Variants in SHISA9 observed in about 807,000 individuals in gnomAD.
SHISA9 encodes the protein shisa family member 9, also known as protein shisa-9.
In SHISA9, 13 loss-of-function variants were observed where a neutral mutation model predicts 38.0. The ratio of observed to expected loss-of-function variants is 0.34; its 90% CI spans 0.22 to 0.54. The LOEUF is 0.54. Ranked by LOEUF, SHISA9 falls within the 20% of genes least tolerant of loss-of-function variation. The pLI is 0.91. For missense variants in SHISA9, 538 were observed against 575.8 expected (o/e 0.93, Z 0.67); for synonymous variants, 275 against 242.0 (o/e 1.14, Z -1.27).
the SHISA9 span, among the ~76,000 whole-genome samples, chr16:13,529,132 CAATT>C: frequency 6.6e-6 from 1 of 152,120 alleles, no homozygotes; most frequent in African/African-American, 2.4e-5. Context: ...AGTTTGGACA[CAATT>C]AACCAGAGTG....
Position 13,233,732 on chromosome 16 carries a change from T to C in SHISA9, c.896-1298T>C, listed in dbSNP as rs908988778. Among the ~76,000 whole-genome samples, 6 of 152,352 alleles carry C rather than the reference T, an allele frequency of 3.9e-5. No homozygotes were observed. In the South Asian group the frequency reaches 1.0e-3, roughly 26 times the overall value. On this transcript the variant is annotated intron_variant, in intron 4 of 4. Coordinates refer to ENST00000558583, the MANE Select transcript of SHISA9 (RefSeq NM_001145204.3). Reference sequence around the variant, plus strand: ...CTGATGTAAATTAAGAAAACAGGCCTGGTGCGGTAGCTCACACCTGTAATC... The same window carrying C: ...CTGATGTAAATTAAGAAAACAGGCCCGGTGCGGTAGCTCACACCTGTAATC...
At chr16:13,318,144 G>A in the SHISA9 span, among the ~76,000 whole-genome samples, 34 of 152,026 alleles carry the variant, frequency 2.2e-4, no homozygotes, top group African/African-American at 7.5e-4. Context: ...TAAACAATAG[G>A]TCATAAACTT....
At chr16:13,318,020 A>G in the SHISA9 span, among the ~76,000 whole-genome samples, 2 of 145,682 alleles carry the variant, frequency 1.4e-5, no homozygotes, top group Non-Finnish European at 3.0e-5. Flanking sequence ...TTGATCCACT[A>G]TGTACATAGT....
chr16:12,916,731 G>T lies in SHISA9; in HGVS notation c.607G>T (p.Asp203Tyr). The change falls in exon 2 of 5, where the codon GAT becomes TAT. Residue 203 changes from aspartate (D) to tyrosine (Y), a missense_variant. By Grantham distance (160) the Asp-to-Tyr change is radical. Around this residue, in one of 4 missense-constraint regions of SHISA9, gnomAD observed 326 missense variants for 305.9 expected, o/e 1.07. Transcript: ENST00000558583. Reference sequence around the variant, plus strand: ...GAGACCACAGGGCCACTGCAACACTGATCACATGGAGAGAGACCTAAACAT... The same window carrying T: ...GAGACCACAGGGCCACTGCAACACTTATCACATGGAGAGAGACCTAAACAT... Reference protein sequence around the residue: ...VMRPQGHCNTDHMERDLNIVV... With the variant: ...VMRPQGHCNTYHMERDLNIVV... The T allele has an allele frequency of 1.3e-6, 2 of 1,552,152 alleles. No homozygotes were observed. Among genetic ancestry groups the T allele is most frequent in the Non-Finnish European group, 1.7e-6 (2 of 1,147,082 alleles).
At chr16:13,365,809 G>A in the SHISA9 span, among the ~76,000 whole-genome samples, 14 of 152,116 alleles carry the variant, frequency 9.2e-5, no homozygotes, top group Admixed American at 6.5e-5. Flanking sequence ...AAACATATTC[G>A]GAACACCAAG....
Position 13,235,444 on chromosome 16 carries a change from T to C in SHISA9, c.*35T>C. The C allele has an allele frequency of 6.6e-7, 1 of 1,504,632 alleles. No individual in the cohort carries two copies. Among genetic ancestry groups the C allele is most frequent in the Non-Finnish European group, 8.8e-7 (1 of 1,130,108 alleles). The allele number at this position is 1,504,632 out of a possible 1,614,324, so 93.2% of individuals were successfully genotyped here. A position where few individuals can be genotyped will look rare whatever the true frequency, so the allele number is the denominator to read the frequency against. Reference sequence around the variant, plus strand: ...ACAGGGAGCACCCTGGAGACCACACTCAACTGAGAGAGGCAAAAAACAACC... The same window carrying C: ...ACAGGGAGCACCCTGGAGACCACACCCAACTGAGAGAGGCAAAAAACAACC... On this transcript the variant is annotated 3_prime_UTR_variant, in exon 5 of 5. Coordinates refer to ENST00000558583, the MANE Select transcript of SHISA9 (RefSeq NM_001145204.3).
At chr16:13,170,726 G>A (rs1011366992) in intron 2 of SHISA9, among the ~76,000 whole-genome samples, 9 of 152,044 alleles carry the variant, frequency 5.9e-5, no homozygotes, top group Non-Finnish European at 1.2e-4. Context: ...GTGCCATCTC[G>A]GCTCACTGCA....
At chr16:12,970,922 G>A (rs925271649) in intron 2 of SHISA9, among the ~76,000 whole-genome samples, 3 of 152,064 alleles carry the variant, frequency 2.0e-5, no homozygotes, top group East Asian at 1.9e-4. Context: ...GCAGTGCCTC[G>A]AACAGTGTCT....
At chr16:12,933,377 C>T (rs2071486679) in intron 2 of SHISA9, among the ~76,000 whole-genome samples, 1 of 152,012 alleles carries the variant, frequency 6.6e-6, no homozygotes, top group African/African-American at 2.4e-5. Context: ...TCACTGCAAC[C>T]TCCGCCTCCT....
intron 2 of SHISA9, among the ~76,000 whole-genome samples, chr16:13,036,871 A>C (rs2073073061): frequency 6.6e-6 from 1 of 152,120 alleles, no homozygotes. Flanking sequence ...AATGCAGCTC[A>C]AAAAACCCTT....
chr16:12,907,884 C>T (rs780101800), intron 1 of SHISA9, among the ~76,000 whole-genome samples: 1 of 152,164 alleles, frequency 6.6e-6, no homozygotes, highest in Non-Finnish European at 1.5e-5. Flanking sequence ...CTCTTGGGTT[C>T]ATCTCAGTCA....
At chr16:13,352,490 A>C in the SHISA9 span, among the ~76,000 whole-genome samples, 2 of 152,218 alleles carry the variant, frequency 1.3e-5, no homozygotes, top group South Asian at 2.1e-4. Context: ...AGCTATATCC[A>C]GCACCTCCTT....
At chr16:12,906,010 T>C (rs188931253) in intron 1 of SHISA9, among the ~76,000 whole-genome samples, 66 of 152,336 alleles carry the variant, frequency 4.3e-4, no homozygotes, top group African/African-American at 1.5e-3. Context: ...AGTTAATCAC[T>C]TGGAGTCCCA....
the SHISA9 span, among the ~76,000 whole-genome samples, chr16:13,428,696 A>G: frequency 4.6e-5 from 7 of 152,116 alleles, no homozygotes; most frequent in Middle Eastern, 3.2e-3. Flanking sequence ...TGGGCTGATG[A>G]TCTTGGAATA....
the SHISA9 span, among the ~76,000 whole-genome samples, chr16:13,262,021 T>C: frequency 1.8e-4 from 28 of 152,092 alleles, no homozygotes; most frequent in Admixed American, 1.8e-3. Context: ...TCAAAAGTAA[T>C]AGATAGATAA....
the SHISA9 span, among the ~76,000 whole-genome samples, chr16:13,492,655 C>G: frequency 6.6e-6 from 1 of 152,194 alleles, no homozygotes; most frequent in Admixed American, 6.5e-5. Flanking sequence ...GCACCTGACT[C>G]AGAGTGGGAA....
chr16:13,358,667 A>T, the SHISA9 span, among the ~76,000 whole-genome samples: 1 of 152,228 alleles, frequency 6.6e-6, no homozygotes, highest in African/African-American at 2.4e-5. Flanking sequence ...TAAGTGCTTC[A>T]ACCAACCAGT....
chr16:13,042,697 T>A (rs753031591), intron 2 of SHISA9, among the ~76,000 whole-genome samples: 4 of 152,226 alleles, frequency 2.6e-5, no homozygotes, highest in Non-Finnish European at 5.9e-5. Flanking sequence ...ATTGCCCTAA[T>A]TAAGATATGT....
chr16:13,436,802 C>T, the SHISA9 span, among the ~76,000 whole-genome samples: 2 of 152,108 alleles, frequency 1.3e-5, no homozygotes, highest in Admixed American at 6.5e-5. Context: ...AGTTGAGTCA[C>T]GTATTGTTTG....
Sources: gnomAD v4.1 joint callset for allele counts (sites outside exome capture counted in the v4.1 genomes callset) on GRCh38, gnomAD v4.1.1 for gene constraint, gnomAD v4.1.1 regional missense constraint, MANE v1.5 for transcripts, NCBI Gene and HGNC (gene_info 2026-07-23, HGNC 2026-07-21) for gene names.